The following CLVS1 variants were observed in gnomAD, a reference collection of about 807,000 sequenced individuals.
CLVS1 encodes the protein clavesin-1.
A neutral mutation model predicts 33.1 loss-of-function variants in CLVS1; 10 were observed. The observed-to-expected ratio is 0.30, with a 90% CI of 0.19 to 0.51. The LOEUF (loss-of-function observed/expected upper bound fraction) is 0.51, where lower values mean the gene tolerates loss of function less well. Ranked by LOEUF, CLVS1 falls within the 20% of genes least tolerant of loss-of-function variation. The pLI, the probability that CLVS1 is intolerant of heterozygous loss-of-function variation, is 0.97. For synonymous variants in CLVS1, 163 were observed against 166.1 expected (o/e 0.98, Z 0.14); for missense variants, 343 against 433.4 (o/e 0.79, Z 1.85).
intron 2 of CLVS1, among the ~76,000 whole-genome samples, chr8:61,374,732 G>T (rs957409108): frequency 1.3e-5 from 2 of 152,086 alleles, no homozygotes; most frequent in Admixed American, 6.5e-5. Context: ...TATGAGAAAA[G>T]GTTAAAGTTA....
At chr8:61,327,891 G>A (rs4144412) in intron 2 of CLVS1, among the ~76,000 whole-genome samples, 58,093 of 152,032 alleles carry the variant, frequency 0.38, 13,674 homozygotes, top group East Asian at 0.64. Context: ...TATCCACCAT[G>A]TGCCTGGCAT....
intron 2 of CLVS1, among the ~76,000 whole-genome samples, chr8:61,184,217 C>T (rs4033389): frequency 3.9e-5 from 6 of 152,194 alleles, no homozygotes; most frequent in Non-Finnish European, 7.3e-5. Context: ...GAACCTCTTC[C>T]TCGCATGGAG....
intron 2 of CLVS1, among the ~76,000 whole-genome samples, chr8:61,185,143 G>GCTTTTT (rs376138569): frequency 7.2e-4 from 103 of 143,840 alleles, no homozygotes; most frequent in South Asian, 1.1e-3. Flanking sequence ...AGAGAGTATA[G>GCTTTTT]TTTTTGTTTT....
At chr8:61,210,524 G>T (rs1391734783) in intron 2 of CLVS1, among the ~76,000 whole-genome samples, 1 of 152,238 alleles carries the variant, frequency 6.6e-6, no homozygotes, top group Non-Finnish European at 1.5e-5. Flanking sequence ...GGGCCACATG[G>T]CAGGGAACTG....
chr8:61,403,147 T>C (rs1814835247), intron 3 of CLVS1, among the ~76,000 whole-genome samples: 1 of 152,112 alleles, frequency 6.6e-6, no homozygotes, highest in Non-Finnish European at 1.5e-5. Context: ...CACACAGCTA[T>C]TGAGGGAAAA....
At chr8:61,285,779 A>G (rs1809764472), upstream of CLVS1, among the ~76,000 whole-genome samples, 1 of 152,212 alleles carries the variant, frequency 6.6e-6, no homozygotes, top group Non-Finnish European at 1.5e-5. Flanking sequence ...CTTAATACCC[A>G]GAGAAATACC....
chr8:61,284,983 C>A (rs1809746896), upstream of CLVS1, among the ~76,000 whole-genome samples: 1 of 151,962 alleles, frequency 6.6e-6, no homozygotes, highest in East Asian at 1.9e-4. Flanking sequence ...CCTCTAAAGA[C>A]CTATGGTGTG....
chr8:61,233,509 CAAAAAA>C, intron 2 of CLVS1, among the ~76,000 whole-genome samples: 1 of 97,100 alleles, frequency 1.0e-5, no homozygotes, highest in African/African-American at 3.2e-5. Context: ...GACTCTGTAT[CAAAAAA>C]AAAAAAAAAG....
At chr8:61,266,701 C>G (rs1212289250) in intron 2 of CLVS1, among the ~76,000 whole-genome samples, 1 of 152,192 alleles carries the variant, frequency 6.6e-6, no homozygotes, top group Non-Finnish European at 1.5e-5. Context: ...AATAGCTTCA[C>G]TCTCCCTATG....
intron 5 of CLVS1, among the ~76,000 whole-genome samples, chr8:61,473,234 A>G (rs1225747547): frequency 4.6e-5 from 7 of 151,986 alleles, no homozygotes; most frequent in African/African-American, 1.7e-4. Context: ...AGTGTCAGGA[A>G]CTACTGTGTT....
intron 1 of CLVS1, among the ~76,000 whole-genome samples, chr8:61,077,664 C>T (rs1804946235): frequency 6.6e-6 from 1 of 152,128 alleles, no homozygotes; most frequent in African/African-American, 2.4e-5. Flanking sequence ...TTATTAGAGA[C>T]GAGGTTTCAC....
At chr8:61,359,607 C>G (rs184929124) in intron 2 of CLVS1, among the ~76,000 whole-genome samples, 1 of 152,146 alleles carries the variant, frequency 6.6e-6, no homozygotes, top group Non-Finnish European at 1.5e-5. Context: ...CCACCTGCCT[C>G]GGCCTCCCAA....
intron 3 of CLVS1, among the ~76,000 whole-genome samples, chr8:61,402,240 T>C (rs957191468): frequency 2.0e-5 from 3 of 151,912 alleles, no homozygotes; most frequent in Admixed American, 6.6e-5. Flanking sequence ...GAATGTAAAT[T>C]TGGGGAAAAA....
chr8:61,037,162 A>G, the CLVS1 span, among the ~76,000 whole-genome samples: 1 of 152,232 alleles, frequency 6.6e-6, no homozygotes, highest in Non-Finnish European at 1.5e-5. Context: ...GTCAAAATAG[A>G]CATGAAATTT....
the CLVS1 span, among the ~76,000 whole-genome samples, chr8:60,979,039 G>C: frequency 6.6e-6 from 1 of 152,126 alleles, no homozygotes. Context: ...CTGTGAGGTA[G>C]CACATTGAGC....
chr8:61,262,323 A>G (rs1220014002), intron 2 of CLVS1, among the ~76,000 whole-genome samples: 1 of 152,046 alleles, frequency 6.6e-6, no homozygotes, highest in Non-Finnish European at 1.5e-5. Flanking sequence ...GCTGTCTTGT[A>G]TTTTTAAAAC....
chr8:61,323,934 A>G (rs920038838), intron 2 of CLVS1, among the ~76,000 whole-genome samples: 1 of 152,024 alleles, frequency 6.6e-6, no homozygotes, highest in South Asian at 2.1e-4. Context: ...AAGGATAATG[A>G]CCTCCAGCTC....
At position 61,458,542 on chromosome 8, in the gene CLVS1, G is replaced by T; in HGVS notation, c.977G>T (p.Arg326Ile). The part of the protein sequence containing the change: ...ERECSPKLMK[R>I]SQSVVEAGTL... ...GAATGCTCACCCAAGCTGATGAAAA[G>T]GTAAGGCCTGGGTTATCAGAGCCCC... Residue 326 changes from arginine to isoleucine, a missense_variant and splice_region_variant, in exon 5 of 6, where the codon AGA (arginine) becomes ATA (isoleucine). Arg to Ile is a moderately conservative substitution (Grantham distance 97, BLOSUM62 -3). Coordinates refer to ENST00000325897, the MANE Select transcript of CLVS1 (RefSeq NM_173519.3). The T allele has an allele frequency of 6.3e-7, 1 of 1,592,044 alleles. No individual in the cohort carries two copies. Among genetic ancestry groups the T allele is most frequent in the Non-Finnish European group, 8.6e-7 (1 of 1,168,520 alleles).
At chr8:61,405,992 C>CT (rs1814971242) in intron 3 of CLVS1, among the ~76,000 whole-genome samples, 1 of 152,170 alleles carries the variant, frequency 6.6e-6, no homozygotes, top group African/African-American at 2.4e-5. Flanking sequence ...GAGTCAAAGT[C>CT]TATAAAAATA....
Sources: allele counts gnomAD v4.1 joint callset (sites outside exome capture counted in the v4.1 genomes callset), GRCh38; gene constraint gnomAD v4.1.1; transcripts MANE v1.5; gene names NCBI Gene and HGNC (gene_info 2026-07-23, HGNC 2026-07-21).